NMBR: variants seen among roughly 807,000 people sequenced by gnomAD.
The protein encoded by NMBR is neuromedin B receptor, also known as neuromedin-B receptor.
Under a neutral mutation model 20.5 loss-of-function variants are expected in NMBR, and 16 were observed. That is an observed-to-expected ratio of 0.78 (90% CI 0.53 to 1.19). The LOEUF is 1.19. Ranked by LOEUF, NMBR falls within the 50% of genes most tolerant of loss-of-function variation. The pLI, the probability that NMBR is intolerant of heterozygous loss-of-function variation, is 0.00. For missense variants in NMBR, 582 were observed against 499.1 expected (o/e 1.17, Z -1.58); for synonymous variants, 212 against 196.6 (o/e 1.08, Z -0.65).
chr6:142,139,126 C>T (rs225613), intron 1 of NMBR, among the ~76,000 whole-genome samples: 126,120 of 152,136 alleles, frequency 0.83, 52,994 homozygotes, highest in East Asian at 0.97. Flanking sequence ...AGGTTCTCTC[C>T]GTGTCCAAGG....
At chr6:142,099,822 C>G (rs993292324) in intron 1 of NMBR, among the ~76,000 whole-genome samples, 16 of 152,134 alleles carry the variant, frequency 1.1e-4, no homozygotes, top group African/African-American at 3.9e-4. Context: ...AGAACTCTTA[C>G]AGCTCAAGAT....
chr6:142,098,198 A>T (rs1667556577), intron 1 of NMBR, among the ~76,000 whole-genome samples: 2 of 152,126 alleles, frequency 1.3e-5, no homozygotes, highest in African/African-American at 4.8e-5. Flanking sequence ...GGCTCAGCAA[A>T]CCCCAGGCAG....
At chr6:142,137,828 C>T (rs1294892582) in intron 1 of NMBR, among the ~76,000 whole-genome samples, 1 of 152,142 alleles carries the variant, frequency 6.6e-6, no homozygotes, top group Non-Finnish European at 1.5e-5. Flanking sequence ...ACCAGCCTTG[C>T]ATCCCAGGGA....
intron 1 of NMBR, among the ~76,000 whole-genome samples, chr6:142,126,442 A>G (rs1448949394): frequency 6.6e-6 from 1 of 151,810 alleles, no homozygotes; most frequent in East Asian, 1.9e-4. Flanking sequence ...AAGATTGCTG[A>G]ATTATTAAGG....
chr6:142,125,234 G>A (rs570908404), intron 1 of NMBR, among the ~76,000 whole-genome samples: 41 of 151,826 alleles, frequency 2.7e-4, no homozygotes, highest in Admixed American at 1.4e-3. Context: ...GAGAAGAAGG[G>A]TAAATTACTC....
At position 142,099,181 on chromosome 6, in the gene NMBR, T is replaced by C. The variant is rs564013471; in HGVS notation, c.-663-9860A>G. Among the ~76,000 whole-genome samples, 8 of 152,290 alleles carry C rather than the reference T, an allele frequency of 5.3e-5. No homozygotes were observed. The South Asian group carries it at 8.3e-4, about 16-fold the overall frequency. On this transcript the variant is annotated intron_variant, in intron 1 of 3. Coordinates refer to ENST00000258042, the MANE Select transcript of NMBR (RefSeq NM_002511.4). ...ACGAAAAGTAGATCACAGACCTATA[T>C]GTAAACCACAAAAATTATAAAATTC...
intron 1 of NMBR, among the ~76,000 whole-genome samples, chr6:142,137,043 G>A (rs1297324928): frequency 1.3e-5 from 2 of 152,102 alleles, no homozygotes; most frequent in Non-Finnish European, 2.9e-5. Flanking sequence ...AAAGTCATTG[G>A]TAGCTTAATG....
At chr6:142,143,955 G>T (rs1778392953) in intron 1 of NMBR, among the ~76,000 whole-genome samples, 1 of 152,202 alleles carries the variant, frequency 6.6e-6, no homozygotes, top group Non-Finnish European at 1.5e-5. Context: ...TGTTTTAAAT[G>T]TGCTAATGCA....
At chr6:142,096,012 T>A (rs1777443274) in intron 1 of NMBR, among the ~76,000 whole-genome samples, 1 of 152,212 alleles carries the variant, frequency 6.6e-6, no homozygotes, top group Admixed American at 6.5e-5. Flanking sequence ...CCTTTATCAT[T>A]TTTTATTGCA....
At chr6:142,095,209 G>A (rs1777421599) in intron 1 of NMBR, among the ~76,000 whole-genome samples, 1 of 152,120 alleles carries the variant, frequency 6.6e-6, no homozygotes. Context: ...AGTGGTGAGA[G>A]AGGGCATCCC....
chr6:142,142,558 A>C (rs1778376738), intron 1 of NMBR, among the ~76,000 whole-genome samples: 1 of 152,168 alleles, frequency 6.6e-6, no homozygotes, highest in African/African-American at 2.4e-5. Flanking sequence ...AAACTTACAG[A>C]AATTAACAAT....
intron 1 of NMBR, among the ~76,000 whole-genome samples, chr6:142,125,900 G>A (rs1778027729): frequency 6.6e-6 from 1 of 150,400 alleles, no homozygotes. Context: ...CATATTCACA[G>A]TGAGAATATG....
chr6:142,098,467 T>C (rs1043239719), intron 1 of NMBR, among the ~76,000 whole-genome samples: 2 of 152,276 alleles, frequency 1.3e-5, no homozygotes, highest in East Asian at 1.9e-4. Flanking sequence ...AACTAATAAG[T>C]AACCATGGAG....
chr6:142,142,599 T>C (rs225618), intron 1 of NMBR, among the ~76,000 whole-genome samples: 59,241 of 151,796 alleles, frequency 0.39, 12,204 homozygotes, highest in Middle Eastern at 0.53. Context: ...AGGCAAGGCT[T>C]TCTACTTTTT....
chr6:142,133,100 A>G lies in NMBR; in HGVS notation c.-664+13944T>C, dbSNP rs558387676. On this transcript the variant is annotated intron_variant, in intron 1 of 3. Coordinates refer to ENST00000258042, the MANE Select transcript of NMBR (RefSeq NM_002511.4). ...AAGAGTTTGATTCTGGCAGAAGCAA[A>G]CTGGCAATGTGGGTCAAGAATTAAC... 2.3e-4 allele frequency: 142 copies of G among 614,578 alleles called. 1 individual carries two copies. The African/African-American group carries it at 2.4e-3, about 10-fold the overall frequency. The allele number at this position is 614,578 out of a possible 1,614,324, so 38.1% of individuals were successfully genotyped here.
Position 142,088,857 on chromosome 6 carries a change from G to A in NMBR, c.-199C>T. The A allele has an allele frequency of 2.0e-6, 1 of 502,494 alleles. No homozygotes were observed. Among genetic ancestry groups the A allele is most frequent in the Non-Finnish European group, 3.5e-6 (1 of 283,322 alleles). The allele number at this position is 502,494 out of a possible 1,614,324, so 31.1% of individuals were successfully genotyped here. A position where few individuals can be genotyped will look rare whatever the true frequency, so the allele number is the denominator to read the frequency against. On this transcript the variant is annotated 5_prime_UTR_variant, in exon 2 of 4. Transcript: ENST00000258042. The stretch of plus-strand genomic sequence containing the variant: ...GTCTGTCCACACACTCGGGCGCTCC[G>A]CTTCTAGAGGGGGGAAATGGCTCCG...
At chr6:142,134,409 G>A (rs1778208028) in intron 1 of NMBR, 1 of 449,180 alleles carries the variant, frequency 2.2e-6, no homozygotes, top group South Asian at 6.3e-5. Context: ...ACACATATAA[G>A]ATTTTTATGA....
Position 142,088,389 on chromosome 6 carries a change from C to T in NMBR, c.270G>A (p.Leu90=). The T allele has an allele frequency of 6.2e-7, 1 of 1,614,150 alleles. No individual in the cohort carries two copies. The highest frequency in any genetic ancestry group is 8.5e-7 in the Non-Finnish European group (1 of 1,180,032). The change falls in exon 2 of 4, where the codon TTG becomes TTA. Residue 90 remains leucine (L), a synonymous_variant. Coordinates refer to ENST00000258042, the MANE Select transcript of NMBR (RefSeq NM_002511.4). ...CCGGGACGCAGGTGAGCAGCAGCAGCAAGTCCCCGGCCGCCAGGTTAGAGA... is the reference window on the plus strand; with the variant it reads ...CCGGGACGCAGGTGAGCAGCAGCAGTAAGTCCCCGGCCGCCAGGTTAGAGA... The part of the protein sequence containing the change: ...IFISNLAAGD[L]LLLLTCVPVD...
intron 1 of NMBR, among the ~76,000 whole-genome samples, chr6:142,113,123 A>G (rs1204458258): frequency 1.3e-5 from 2 of 152,086 alleles, no homozygotes; most frequent in African/African-American, 4.8e-5. Flanking sequence ...TGCTACTTTT[A>G]GGCTCAATTA....
Sources: gnomAD v4.1 joint callset for allele counts (sites outside exome capture counted in the v4.1 genomes callset) on GRCh38, gnomAD v4.1.1 for gene constraint, MANE v1.5 for transcripts, NCBI Gene and HGNC (gene_info 2026-07-23, HGNC 2026-07-21) for gene names.